Variants in PPFIA1 observed in about 807,000 individuals in gnomAD.
PPFIA1 encodes the protein PPFI scaffold protein A1, also known as liprin-alpha-1.
In PPFIA1, 25 loss-of-function variants were observed where a neutral mutation model predicts 149.9. The ratio of observed to expected loss-of-function variants is 0.17; its 90% CI spans 0.12 to 0.23. The LOEUF is 0.23. Among genes scored for constraint, PPFIA1 ranks in the 10% least tolerant of loss-of-function variants. The probability of loss-of-function intolerance (pLI) is 1.00; values close to 1 mark genes in which losing one functional copy is unlikely to be tolerated. For missense variants in PPFIA1, 1,362 were observed against 1,506.5 expected (o/e 0.90, Z 1.59); for synonymous variants, 549 against 552.8 (o/e 0.99, Z 0.10).
chr11:70,320,987 A>G (rs2053904263), intron 2 of PPFIA1, among the ~76,000 whole-genome samples: 1 of 152,158 alleles, frequency 6.6e-6, no homozygotes, highest in African/African-American at 2.4e-5. Flanking sequence ...GAGGGCAACA[A>G]CCACAGAACA....
rs1428732210 is a variant in PPFIA1, at chr11:70,326,370, C to G, written c.708+7C>G. The stretch of plus-strand genomic sequence containing the variant: ...ACCAAGCACGAGTGGAAAGGCAAGT[C>G]TGTAGGCTTTGTCTTTATTCTGTTT... On this transcript the variant is annotated splice_region_variant and intron_variant, in intron 6 of 27. Transcript: ENST00000253925. 2.5e-6 allele frequency: 4 copies of G among 1,569,308 alleles called. No homozygotes were observed. The highest frequency in any genetic ancestry group is 3.5e-6 in the Non-Finnish European group (4 of 1,143,752).
intron 8 of PPFIA1, among the ~76,000 whole-genome samples, chr11:70,330,674 TG>T (rs1208213626): frequency 1.3e-5 from 2 of 152,204 alleles, no homozygotes; most frequent in African/African-American, 4.8e-5. Context: ...AATGAAGTCT[TG>T]GTCGGATGCG....
intron 25 of PPFIA1, 141 bp downstream of exon 25, chr11:70,376,741 T>C: frequency 1.3e-6 from 1 of 796,776 alleles, no homozygotes; most frequent in South Asian, 1.6e-5. Context: ...AAGTCAGGCT[T>C]TGCTCTTATA....
chr11:70,309,808 G>A (rs1591156423), intron 2 of PPFIA1, among the ~76,000 whole-genome samples: 1 of 152,280 alleles, frequency 6.6e-6, no homozygotes, highest in African/African-American at 2.4e-5. Flanking sequence ...CAGATACACA[G>A]AGACAGAAAG....
chr11:70,329,227 C>G (rs1275977565), intron 7 of PPFIA1, among the ~76,000 whole-genome samples: 1 of 152,106 alleles, frequency 6.6e-6, no homozygotes, highest in Non-Finnish European at 1.5e-5. Flanking sequence ...AGGACACTTT[C>G]ACCTCCTTGA....
At chr11:70,312,774 G>T (rs151152700) in intron 2 of PPFIA1, among the ~76,000 whole-genome samples, 55 of 152,270 alleles carry the variant, frequency 3.6e-4, no homozygotes, top group African/African-American at 9.9e-4. Flanking sequence ...TCTGGGCTGC[G>T]GACATTGACT....
chr11:70,360,248 T>C (rs970625405), intron 19 of PPFIA1, among the ~76,000 whole-genome samples: 7 of 152,270 alleles, frequency 4.6e-5, no homozygotes, highest in Non-Finnish European at 1.0e-4. Context: ...CTAGTGATCA[T>C]TGCCAGGAAG....
At chr11:70,315,701 T>TTTTTTTTTTTTTA in intron 2 of PPFIA1, among the ~76,000 whole-genome samples, 1 of 146,136 alleles carries the variant, frequency 6.8e-6, no homozygotes. Flanking sequence ...TTTTTTTTTT[T>TTTTTTTTTTTTTA]TTGGTGGTAA....
At chr11:70,313,277 G>A (rs1044786073) in intron 2 of PPFIA1, among the ~76,000 whole-genome samples, 1 of 152,202 alleles carries the variant, frequency 6.6e-6, no homozygotes, top group African/African-American at 2.4e-5. Context: ...TTAGAACAAT[G>A]TCTGGCAGAT....
chr11:70,307,849 A>G (rs1453640654), intron 2 of PPFIA1, among the ~76,000 whole-genome samples: 2 of 152,154 alleles, frequency 1.3e-5, no homozygotes, highest in East Asian at 3.8e-4. Flanking sequence ...TTGGTTGAGT[A>G]TGGGTGTTCA....
intron 19 of PPFIA1, chr11:70,358,672 G>T (rs1457185785): frequency 6.6e-6 from 1 of 152,306 alleles, no homozygotes; most frequent in South Asian, 2.1e-4. Flanking sequence ...TAACTCAAAG[G>T]TGTGTTTTAA....
intron 15 of PPFIA1, chr11:70,345,926 G>A: frequency 2.3e-6 from 1 of 431,372 alleles, no homozygotes; most frequent in Non-Finnish European, 4.7e-6. Flanking sequence ...CAGAACACTG[G>A]AGCTCTTCAG....
At chr11:70,344,798 A>G (rs1207800706) in intron 15 of PPFIA1, among the ~76,000 whole-genome samples, 1 of 152,214 alleles carries the variant, frequency 6.6e-6, no homozygotes, top group African/African-American at 2.4e-5. Context: ...CAGTCGACAG[A>G]TAGAGTCTGG....
At chr11:70,379,829 T>G (rs1347192981) in intron 26 of PPFIA1, among the ~76,000 whole-genome samples, 1 of 152,234 alleles carries the variant, frequency 6.6e-6, no homozygotes, top group Non-Finnish European at 1.5e-5. Flanking sequence ...CTGTATTATT[T>G]ATTTATTGTT....
chr11:70,316,440 G>A (rs966561852), intron 2 of PPFIA1, among the ~76,000 whole-genome samples: 3 of 152,188 alleles, frequency 2.0e-5, no homozygotes, highest in East Asian at 1.9e-4. Context: ...TTCAGCAAAA[G>A]GTTAGTGAAA....
intron 12 of PPFIA1, among the ~76,000 whole-genome samples, 161 bp from the exon 13 acceptor site, chr11:70,338,213 C>T (rs2055098079): frequency 6.6e-6 from 1 of 152,202 alleles, no homozygotes; most frequent in African/African-American, 2.4e-5. Flanking sequence ...ATGTTTATTG[C>T]AGTACTCTTG....
At chr11:70,377,277 C>A (rs1363729771) in intron 25 of PPFIA1, among the ~76,000 whole-genome samples, 1 of 152,090 alleles carries the variant, frequency 6.6e-6, no homozygotes, top group Non-Finnish European at 1.5e-5. Context: ...CCAGAGTGTA[C>A]CCCCATACTC....
chr11:70,338,397 A>T lies in PPFIA1; in HGVS notation c.1515A>T (p.Glu505Asp), dbSNP rs776510315. Residue 505 changes from glutamate (E) to aspartate (D), a missense_variant, in exon 13 of 28, where the codon GAA (glutamate) becomes GAT (aspartate). Glu to Asp is a conservative substitution (Grantham distance 45). Coordinates refer to ENST00000253925, the MANE Select transcript of PPFIA1 (RefSeq NM_003626.5). ...HDKDQLVLNI[E>D]ALRAELDHMR... ...AGGATCAGCTTGTCCTAAACATTGA[A>T]GCACTGAGGGCTGAACTAGACCACA... 1.2e-6 allele frequency: 2 copies of T among 1,613,324 alleles called. No individual in the cohort carries two copies. The highest frequency in any genetic ancestry group is 1.7e-6 in the Non-Finnish European group (2 of 1,179,222).
intron 2 of PPFIA1, among the ~76,000 whole-genome samples, chr11:70,296,752 AGG>A (rs1418053552): frequency 3.7e-5 from 1 of 27,344 alleles, no homozygotes; most frequent in Admixed American, 4.9e-4. Context: ...GGAGAGAGGG[AGG>A]GAGGGAGGGG....
Sources: gnomAD v4.1 joint callset for allele counts (sites outside exome capture counted in the v4.1 genomes callset) on GRCh38, gnomAD v4.1.1 for gene constraint, MANE v1.5 for transcripts, NCBI Gene and HGNC (gene_info 2026-07-23, HGNC 2026-07-21) for gene names.